Variants in AP3S1 observed in about 807,000 individuals in gnomAD.
The protein encoded by AP3S1 is adaptor related protein complex 3 subunit sigma 1, also known as AP-3 complex subunit sigma-1.
Under a neutral mutation model 21.3 loss-of-function variants are expected in AP3S1, and 12 were observed. The ratio of observed to expected loss-of-function variants is 0.56; its 90% CI spans 0.36 to 0.91. The LOEUF (loss-of-function observed/expected upper bound fraction) is 0.91, where lower values mean the gene tolerates loss of function less well. AP3S1 is among the 40% of genes least tolerant of loss of function. AP3S1 has a pLI of 0.01. For missense variants in AP3S1, 116 were observed against 225.0 expected, an observed-to-expected ratio of 0.52 and a Z score of 3.10; for synonymous variants, 48 against 78.4, an observed-to-expected ratio of 0.61 and a Z score of 2.05.
At chr5:115,891,009 T>C (rs1163456568) in intron 3 of AP3S1, among the ~76,000 whole-genome samples, 3 of 152,312 alleles carry the variant, frequency 2.0e-5, no homozygotes, top group East Asian at 3.9e-4. Context: ...CATTACCCCA[T>C]TCAGTCCTCA....
At chr5:115,897,350 T>C (rs926271956) in intron 4 of AP3S1, among the ~76,000 whole-genome samples, 2 of 152,180 alleles carry the variant, frequency 1.3e-5, no homozygotes, top group Non-Finnish European at 2.9e-5. Flanking sequence ...TTTTATTTTT[T>C]CAAGGCAAGG....
intron 2 of AP3S1, among the ~76,000 whole-genome samples, chr5:115,868,108 C>T (rs1159898021): frequency 6.6e-6 from 1 of 152,098 alleles, no homozygotes; most frequent in Non-Finnish European, 1.5e-5. Context: ...TGATGTATTA[C>T]ATTCTGTACA....
chr5:115,860,053 C>A (rs904282366), intron 1 of AP3S1, among the ~76,000 whole-genome samples: 8 of 152,300 alleles, frequency 5.3e-5, no homozygotes, highest in African/African-American at 1.9e-4. Context: ...TAGCTGCATC[C>A]CTTTCTGGAG....
chr5:115,913,405 A>C lies in AP3S1; in HGVS notation c.497A>C (p.Lys166Thr), dbSNP rs1310832069. 6.2e-7 allele frequency: 1 copy of C among 1,613,984 alleles called. No individual in the cohort carries two copies. Among genetic ancestry groups the C allele is most frequent in the Non-Finnish European group, 8.5e-7 (1 of 1,179,822 alleles). The change falls in exon 6 of 6, where the codon AAG (lysine) becomes ACG (threonine). Residue 166 changes from lysine (K) to threonine (T), a missense_variant. Lys to Thr is a moderately conservative substitution (Grantham distance 78). Transcript: ENST00000316788. ...GAPARAVSAV[K>T]NMNLPEIPRN... ...CCAGCCCGTGCTGTATCAGCTGTAA[A>C]GAATATGAATCTTCCTGAGATCCCA...
chr5:115,844,746 C>CA (rs1474522046), intron 1 of AP3S1, among the ~76,000 whole-genome samples: 14 of 152,186 alleles, frequency 9.2e-5, no homozygotes, highest in Non-Finnish European at 1.3e-4. Flanking sequence ...CCTAAACATT[C>CA]CGTGAAGCCT....
intron 4 of AP3S1, chr5:115,898,679 A>C (rs1750964255): frequency 6.6e-6 from 1 of 152,220 alleles, no homozygotes; most frequent in South Asian, 2.1e-4. Context: ...GACCTTCTTA[A>C]CAGCTTGCCC....
At chr5:115,883,370 A>T (rs1314016993) in intron 3 of AP3S1, among the ~76,000 whole-genome samples, 1 of 152,220 alleles carries the variant, frequency 6.6e-6, no homozygotes, top group Non-Finnish European at 1.5e-5. Context: ...TGCGGGTTGC[A>T]AAGACCATGG....
intron 3 of AP3S1, among the ~76,000 whole-genome samples, chr5:115,873,318 A>C (rs921208212): frequency 6.6e-6 from 1 of 152,156 alleles, no homozygotes; most frequent in Non-Finnish European, 1.5e-5. Context: ...GTGTTTTGCA[A>C]AATTTTTTAT....
At chr5:115,853,942 A>G in intron 1 of AP3S1, among the ~76,000 whole-genome samples, 1 of 152,122 alleles carries the variant, frequency 6.6e-6, no homozygotes, top group East Asian at 1.9e-4. Flanking sequence ...TGCTTCTATA[A>G]CAGAATACTT....
chr5:115,905,137 C>G (rs1230530550), intron 5 of AP3S1, among the ~76,000 whole-genome samples: 1 of 152,138 alleles, frequency 6.6e-6, no homozygotes, highest in African/African-American at 2.4e-5. Context: ...TTTGCAACCT[C>G]CGGCATAAAT....
chr5:115,880,767 G>A (rs1183925418), intron 3 of AP3S1, among the ~76,000 whole-genome samples: 1 of 152,100 alleles, frequency 6.6e-6, no homozygotes, highest in Non-Finnish European at 1.5e-5. Context: ...TTAATTTTCT[G>A]TCTTGTGGAT....
chr5:115,881,129 T>C (rs62371474), intron 3 of AP3S1, among the ~76,000 whole-genome samples: 20,863 of 152,186 alleles, frequency 0.14, 1,781 homozygotes, highest in Middle Eastern at 0.2. Context: ...TACAGCACAC[T>C]GATGGGTCTT....
At chr5:115,858,062 A>G (rs1380059050) in intron 1 of AP3S1, among the ~76,000 whole-genome samples, 1 of 152,180 alleles carries the variant, frequency 6.6e-6, no homozygotes, top group Non-Finnish European at 1.5e-5. Flanking sequence ...ACTAGGACCA[A>G]TCCAGACCAG....
At chr5:115,847,584 G>A (rs1021997576) in intron 1 of AP3S1, among the ~76,000 whole-genome samples, 4 of 152,264 alleles carry the variant, frequency 2.6e-5, no homozygotes, top group African/African-American at 7.2e-5. Context: ...GCGCCATTGC[G>A]CTCCAGCCTG....
intron 3 of AP3S1, among the ~76,000 whole-genome samples, chr5:115,887,586 C>T (rs1749911321): frequency 6.6e-6 from 1 of 151,918 alleles, no homozygotes; most frequent in Non-Finnish European, 1.5e-5. Flanking sequence ...ATAATACTAG[C>T]TAATGTATAT....
At chr5:115,843,054 A>T (rs1393560474) in intron 1 of AP3S1, among the ~76,000 whole-genome samples, 1 of 152,186 alleles carries the variant, frequency 6.6e-6, no homozygotes, top group East Asian at 1.9e-4. Context: ...GAGATAAGTG[A>T]TTTGTTGATG....
chr5:115,898,338 G>A (rs1750934931), intron 4 of AP3S1, among the ~76,000 whole-genome samples: 1 of 152,096 alleles, frequency 6.6e-6, no homozygotes, highest in African/African-American at 2.4e-5. Context: ...TTCTTTTATT[G>A]TGGTTGTTAC....
chr5:115,866,827 T>C, intron 2 of AP3S1, 66 bp downstream of exon 2: 1 of 1,081,358 alleles, frequency 9.2e-7, no homozygotes, highest in Non-Finnish European at 1.3e-6. Context: ...TACTGTTTAA[T>C]CAGTTTATGG....
At chr5:115,866,799 C>G in intron 2 of AP3S1, 38 bp downstream of exon 2, 2 of 1,413,988 alleles carry the variant, frequency 1.4e-6, no homozygotes, top group Non-Finnish European at 2.0e-6. Context: ...TAAGTTTTGA[C>G]TATGTGATTA....
Sources: allele counts gnomAD v4.1 joint callset (sites outside exome capture counted in the v4.1 genomes callset), GRCh38; gene constraint gnomAD v4.1.1; transcripts MANE v1.5; gene names NCBI Gene and HGNC (gene_info 2026-07-23, HGNC 2026-07-21).